CATSPERE: variants seen among roughly 807,000 people sequenced by gnomAD.
CATSPERE encodes cation channel sperm-associated auxiliary subunit epsilon.
Under a neutral mutation model 114.1 loss-of-function variants are expected in CATSPERE, and 93 were observed. The observed-to-expected ratio is 0.81, with a 90% CI of 0.69 to 0.97. The LOEUF (loss-of-function observed/expected upper bound fraction) is 0.97. Ranked by LOEUF, CATSPERE falls within the 50% of genes least tolerant of loss-of-function variation. The pLI, the probability that CATSPERE is intolerant of heterozygous loss-of-function variation, is 0.00. For missense variants in CATSPERE, 1,058 were observed against 1,131.6 expected, an observed-to-expected ratio of 0.93 and a Z score of 0.93; for synonymous variants, 341 against 384.1, an observed-to-expected ratio of 0.89 and a Z score of 1.31.
intron 6 of CATSPERE, among the ~76,000 whole-genome samples, chr1:244,496,353 T>A (rs926141174): frequency 1.3e-5 from 2 of 152,208 alleles, no homozygotes; most frequent in African/African-American, 4.8e-5. Flanking sequence ...TGAGAGTGTT[T>A]TCACGCTTAG....
At chr1:244,487,398 C>T (rs1017495300) in intron 5 of CATSPERE, among the ~76,000 whole-genome samples, 1 of 152,086 alleles carries the variant, frequency 6.6e-6, no homozygotes, top group Admixed American at 6.5e-5. Flanking sequence ...GGTAGTCAAG[C>T]CGTGTAGCTT....
intron 7 of CATSPERE, among the ~76,000 whole-genome samples, chr1:244,510,929 C>T (rs565771027): frequency 2.0e-5 from 3 of 148,730 alleles, no homozygotes; most frequent in African/African-American, 7.4e-5. Context: ...CTGCAACCTC[C>T]GCCTCCCAGG....
chr1:244,531,489 G>T (rs916333057), intron 8 of CATSPERE, among the ~76,000 whole-genome samples: 1 of 151,832 alleles, frequency 6.6e-6, no homozygotes, highest in African/African-American at 2.4e-5. Context: ...TTATCATGTT[G>T]AAGTATGTTC....
chr1:244,464,909 A>G (rs961636291), intron 2 of CATSPERE, among the ~76,000 whole-genome samples: 1 of 151,946 alleles, frequency 6.6e-6, no homozygotes, highest in South Asian at 2.1e-4. Flanking sequence ...TGTTGGTTTC[A>G]AAGATTCAGT....
At chr1:244,564,156 CT>C (rs1663037714) in intron 10 of CATSPERE, among the ~76,000 whole-genome samples, 1 of 152,048 alleles carries the variant, frequency 6.6e-6, no homozygotes, top group African/African-American at 2.4e-5. Context: ...TTACTGTAGC[CT>C]TGTAGTATAG....
chr1:244,572,506 C>A lies in CATSPERE; in HGVS notation c.1684C>A (p.Gln562Lys). Residue 562 changes from glutamine to lysine, a missense_variant, in exon 11 of 22, where the codon CAA becomes AAA. By Grantham distance (53) the Gln-to-Lys change is moderately conservative. Around this residue, in one of 2 missense-constraint regions of CATSPERE, gnomAD observed 787 missense variants for 905.6 expected, o/e 0.87. Transcript: ENST00000366534. ...FLYALDDGTI[Q>K]IQDYPLHLEA... is the part of the protein sequence containing the mutation. ...GTATGCTTTGGATGATGGCACAATA[C>A]AAATACAGGACTATCCCTTACATCT... 8 of 1,614,062 alleles carry A rather than the reference C, an allele frequency of 5.0e-6. No homozygotes were observed. The highest frequency in any genetic ancestry group is 5.1e-6 in the Non-Finnish European group (6 of 1,179,956).
chr1:244,607,301 A>G lies in CATSPERE; in HGVS notation c.2403+1507A>G, dbSNP rs1213985342. On this transcript the variant is annotated intron_variant, in intron 18 of 21. Coordinates refer to ENST00000366534, the MANE Select transcript of CATSPERE (RefSeq NM_001130957.2). The surrounding 1 kb of genome is among the most constrained non-coding windows in gnomAD (Gnocchi z 4.4). Reference sequence around the variant, plus strand: ...CACTAAGAGATACAGTATCATTTCCAGGTCATTCTCTCTTCACTCTAAGTA... The same window carrying G: ...CACTAAGAGATACAGTATCATTTCCGGGTCATTCTCTCTTCACTCTAAGTA... Among the ~76,000 whole-genome samples the G allele has an allele frequency of 6.6e-6, 1 of 152,198 alleles. No individual in the cohort carries two copies. The highest frequency in any genetic ancestry group is 2.4e-5 in the African/African-American group (1 of 41,440).
intron 19 of CATSPERE, among the ~76,000 whole-genome samples, chr1:244,615,227 C>A (rs1332163647): frequency 4.3e-5 from 6 of 138,500 alleles, no homozygotes; most frequent in African/African-American, 1.7e-4. Flanking sequence ...TGACAATGGA[C>A]TTTGGGCAGA....
chr1:244,500,508 A>G (rs141070293), intron 7 of CATSPERE, among the ~76,000 whole-genome samples: 6,878 of 152,212 alleles, frequency 0.045, 203 homozygotes, highest in Non-Finnish European at 0.064. Flanking sequence ...ATCCATCTTA[A>G]GTTAATTTTT....
chr1:244,526,152 G>A (rs1366355219), intron 8 of CATSPERE, among the ~76,000 whole-genome samples: 4 of 152,188 alleles, frequency 2.6e-5, no homozygotes, highest in Admixed American at 2.6e-4. Context: ...ACACATGCCT[G>A]TAATCCCAGC....
intron 5 of CATSPERE, 119 bp from the exon 6 acceptor site, chr1:244,490,328 C>T (rs985166089): frequency 2.7e-5 from 16 of 593,384 alleles, no homozygotes; most frequent in Middle Eastern, 2.9e-4. Flanking sequence ...TTTTATATAC[C>T]GTAATGAAAT....
At chr1:244,571,009 C>G (rs1664358264) in intron 10 of CATSPERE, among the ~76,000 whole-genome samples, 1 of 152,166 alleles carries the variant, frequency 6.6e-6, no homozygotes, top group Non-Finnish European at 1.5e-5. Flanking sequence ...TATCATGAAG[C>G]AACTTGGACA....
intron 17 of CATSPERE, 142 bp downstream of exon 17, chr1:244,593,720 G>A (rs903876837): frequency 7.1e-6 from 5 of 705,130 alleles, no homozygotes; most frequent in East Asian, 5.5e-5. Context: ...TTCAGTACTA[G>A]TTATACAAAG....
At chr1:244,476,978 A>G (rs1374767989) in intron 2 of CATSPERE, among the ~76,000 whole-genome samples, 1 of 152,020 alleles carries the variant, frequency 6.6e-6, no homozygotes, top group African/African-American at 2.4e-5. Flanking sequence ...CTTCTTAGAT[A>G]CTTAATAGAT....
intron 8 of CATSPERE, among the ~76,000 whole-genome samples, chr1:244,529,323 A>G (rs966509856): frequency 2.6e-5 from 4 of 152,088 alleles, no homozygotes; most frequent in Admixed American, 2.0e-4. Context: ...TTTCTCCAGC[A>G]TTTGTTATTG....
chr1:244,539,375 C>T (rs1326035118), intron 8 of CATSPERE, among the ~76,000 whole-genome samples: 15 of 126,678 alleles, frequency 1.2e-4, no homozygotes, highest in African/African-American at 4.2e-4. Flanking sequence ...ATCGGTTTGC[C>T]AGTATTTTAT....
At chr1:244,603,759 G>C (rs996515990) in intron 17 of CATSPERE, among the ~76,000 whole-genome samples, 1 of 151,790 alleles carries the variant, frequency 6.6e-6, no homozygotes, top group African/African-American at 2.4e-5. Flanking sequence ...TAATCCCAGT[G>C]CTTTGGGAAT....
chr1:244,491,659 G>GT (rs1307292799), intron 6 of CATSPERE, among the ~76,000 whole-genome samples: 1 of 152,100 alleles, frequency 6.6e-6, no homozygotes, highest in African/African-American at 2.4e-5. Context: ...CCAGGAGCTG[G>GT]TTTTTTGAAA....
At chr1:244,561,331 A>T (rs916001743) in intron 10 of CATSPERE, among the ~76,000 whole-genome samples, 186 bp downstream of exon 10, 1 of 152,208 alleles carries the variant, frequency 6.6e-6, no homozygotes, top group African/African-American at 2.4e-5. Context: ...ACATAGCAAA[A>T]GGGCAAACTC....
Sources: allele counts gnomAD v4.1 joint callset (sites outside exome capture counted in the v4.1 genomes callset), GRCh38; gene constraint gnomAD v4.1.1; regional missense constraint gnomAD v4.1.1; non-coding constraint Gnocchi (gnomAD v3.1); transcripts MANE v1.5; gene names NCBI Gene and HGNC (gene_info 2026-07-23, HGNC 2026-07-21).